The following DLGAP2 variants were observed in gnomAD, a reference collection of about 807,000 sequenced individuals.
DLGAP2 encodes the protein DLG associated protein 2.
Under a neutral mutation model 100.3 loss-of-function variants are expected in DLGAP2, and 26 were observed. The observed-to-expected ratio is 0.26, with a 90% CI of 0.19 to 0.36. The LOEUF (loss-of-function observed/expected upper bound fraction) is 0.36, where lower values mean the gene tolerates loss of function less well. DLGAP2 is among the 10% of genes least tolerant of loss of function. The pLI, the probability that DLGAP2 is intolerant of heterozygous loss-of-function variation, is 1.00. For synonymous variants in DLGAP2, 886 were observed against 630.1 expected (o/e 1.41, Z -6.08); for missense variants, 1,858 against 1,453.2 (o/e 1.28, Z -4.53).
intron 3 of DLGAP2, among the ~76,000 whole-genome samples, chr8:1,285,227 G>C (rs1471156631): frequency 6.6e-6 from 1 of 152,162 alleles, no homozygotes; most frequent in African/African-American, 2.4e-5. Context: ...GAGAATATAA[G>C]TAGATGACTA....
rs1802852754 is a variant in DLGAP2, at chr8:1,055,477, A to G, written c.73+147511A>G. The stretch of plus-strand genomic sequence containing the variant: ...GGACTTTATCTGGTTTACTGTTAGG[A>G]TGAGATAAAATATTTTTCTACTTAA... On this transcript the variant is annotated intron_variant, in intron 2 of 14. Coordinates refer to ENST00000637795, the MANE Select transcript of DLGAP2 (RefSeq NM_001346810.2). 2.0e-5 allele frequency among the ~76,000 whole-genome samples: 3 copies of G among 152,168 alleles called. No homozygotes were observed. In the South Asian group the frequency reaches 6.2e-4, roughly 32 times the overall value.
rs140340640 is a variant in DLGAP2 at position 1,628,318 on chromosome 8, C to T, written c.1590+1431C>T. Among the ~76,000 whole-genome samples, 757 of 137,936 alleles carry T rather than the reference C, an allele frequency of 5.5e-3. 17 individuals are homozygous for T. The highest frequency in any genetic ancestry group is 0.021 in the African/African-American group (708 of 33,902). The allele number at this position is 137,936 out of a possible 152,430, so 90.5% of individuals were successfully genotyped here. ...TGGAGCAGGAATTAAGAGCTTGAGC[C>T]GAGCTCACATTCTCTCTGACTTACT... On this transcript the variant is annotated intron_variant, in intron 7 of 14. Transcript: ENST00000637795.
chr8:1,559,012 C>T (rs1802071109), intron 5 of DLGAP2, among the ~76,000 whole-genome samples: 1 of 152,222 alleles, frequency 6.6e-6, no homozygotes, highest in Admixed American at 6.5e-5. Context: ...TGGCCCCTTT[C>T]ACCTGGGCTT....
chr8:1,298,116 C>G (rs1480197464), intron 3 of DLGAP2, among the ~76,000 whole-genome samples: 1 of 145,754 alleles, frequency 6.9e-6, no homozygotes, highest in East Asian at 2.0e-4. Context: ...AGAAACGTGG[C>G]AGGCGTCAAC....
chr8:1,321,659 C>G (rs1309224858), intron 3 of DLGAP2, among the ~76,000 whole-genome samples: 1 of 152,194 alleles, frequency 6.6e-6, no homozygotes, highest in Non-Finnish European at 1.5e-5. Context: ...AATTGAAGCT[C>G]TTATCAGGAT....
intron 2 of DLGAP2, among the ~76,000 whole-genome samples, chr8:1,109,159 CGGGTCTGTGAGGTGTGCAT>C (rs1261355446): frequency 1.7e-5 from 1 of 60,070 alleles, no homozygotes; most frequent in Admixed American, 1.9e-4. Flanking sequence ...GAGGTGTGCA[CGGGTCTGTGAGGTGTGCAT>C]GGGTCTGTGA....
intron 1 of DLGAP2, among the ~76,000 whole-genome samples, chr8:843,577 C>T (rs140410633): frequency 6.6e-5 from 10 of 152,338 alleles, no homozygotes; most frequent in East Asian, 1.9e-4. Context: ...TGGACACGGA[C>T]GCCACGTAGA....
intron 3 of DLGAP2, among the ~76,000 whole-genome samples, chr8:1,294,039 C>A (rs1270959834): frequency 6.6e-6 from 1 of 152,152 alleles, no homozygotes. Flanking sequence ...CACCAGGGCT[C>A]CCTGCCGGGC....
intron 3 of DLGAP2, among the ~76,000 whole-genome samples, chr8:1,374,405 T>G (rs1329510007): frequency 6.6e-6 from 1 of 152,174 alleles, no homozygotes; most frequent in Non-Finnish European, 1.5e-5. Flanking sequence ...CAAGACCAAC[T>G]TTTGTTCTTG....
At chr8:1,134,856 A>T (rs1345501045) in intron 2 of DLGAP2, among the ~76,000 whole-genome samples, 1 of 152,146 alleles carries the variant, frequency 6.6e-6, no homozygotes, top group Non-Finnish European at 1.5e-5. Flanking sequence ...CTATCATGGG[A>T]ACAGTGTGGG....
At chr8:1,444,830 A>C (rs1356675856) in intron 3 of DLGAP2, among the ~76,000 whole-genome samples, 1 of 120,130 alleles carries the variant, frequency 8.3e-6, no homozygotes, top group Admixed American at 1.2e-4. Context: ...CTCAGGCTGG[A>C]GTGCAGTGGC....
At chr8:1,591,284 A>C (rs370150471) in intron 6 of DLGAP2, among the ~76,000 whole-genome samples, 26 of 141,518 alleles carry the variant, frequency 1.8e-4, no homozygotes, top group African/African-American at 6.3e-4. Context: ...GGGGTCACTC[A>C]CACCCCCTCC....
At position 1,549,283 on chromosome 8, in the gene DLGAP2, G is replaced by A. The variant is rs750187888; in HGVS notation, c.830G>A (p.Arg277Lys). 1.2e-6 allele frequency: 2 copies of A among 1,612,094 alleles called. No homozygotes were observed. The highest frequency in any genetic ancestry group is 2.2e-5 in the South Asian group (2 of 91,028). ...HHAHHAKHSK[R>K]SKSKERKPEG... ...GCCCACCACGCCAAGCACAGCAAGA[G>A]GAGCAAGAGCAAGGAGCGCAAGCCG... Residue 277 changes from arginine (R) to lysine (K), a missense_variant, in exon 5 of 15, where the codon AGG becomes AAG. Transcript: ENST00000637795.
intron 1 of DLGAP2, among the ~76,000 whole-genome samples, chr8:807,027 A>C (rs2132664701): frequency 6.6e-6 from 1 of 152,296 alleles, no homozygotes; most frequent in East Asian, 1.9e-4. Context: ...CCTGGGACAG[A>C]AAACCTCAAA....
At chr8:1,289,612 G>A (rs928620537) in intron 3 of DLGAP2, among the ~76,000 whole-genome samples, 1 of 152,278 alleles carries the variant, frequency 6.6e-6, no homozygotes, top group African/African-American at 2.4e-5. Context: ...CTGTCCCTGG[G>A]GGCTGGCCTG....
At chr8:1,086,306 A>G (rs1803972018) in intron 2 of DLGAP2, among the ~76,000 whole-genome samples, 2 of 152,186 alleles carry the variant, frequency 1.3e-5, no homozygotes, top group African/African-American at 4.8e-5. Context: ...ATCGAATAGA[A>G]GTGGTAAGAG....
At chr8:1,561,641 C>T (rs1802164788) in intron 5 of DLGAP2, among the ~76,000 whole-genome samples, 1 of 152,170 alleles carries the variant, frequency 6.6e-6, no homozygotes, top group Non-Finnish European at 1.5e-5. Context: ...GATCCACCTG[C>T]ACCGTGACCC....
intron 2 of DLGAP2, among the ~76,000 whole-genome samples, chr8:951,169 T>C (rs1464526977): frequency 6.6e-6 from 1 of 152,240 alleles, no homozygotes; most frequent in East Asian, 1.9e-4. Flanking sequence ...ATTGTGTGCC[T>C]ATACCATAAT....
At chr8:1,169,958 G>A (rs1301853049) in intron 2 of DLGAP2, among the ~76,000 whole-genome samples, 1 of 151,876 alleles carries the variant, frequency 6.6e-6, no homozygotes, top group Non-Finnish European at 1.5e-5. Flanking sequence ...CCTGTCTTGT[G>A]CCAGTTTTCA....
Sources: allele counts gnomAD v4.1 joint callset (sites outside exome capture counted in the v4.1 genomes callset), GRCh38; gene constraint gnomAD v4.1.1; transcripts MANE v1.5; gene names NCBI Gene and HGNC (gene_info 2026-07-23, HGNC 2026-07-21).